The following GABRG1 variants were observed in gnomAD, a reference collection of about 807,000 sequenced individuals.
The protein encoded by GABRG1 is gamma-aminobutyric acid receptor subunit gamma-1.
In GABRG1, 49 loss-of-function variants were observed where a neutral mutation model predicts 49.8. The ratio of observed to expected loss-of-function variants is 0.98; its 90% CI spans 0.78 to 1.25. The LOEUF is 1.25. Ranked by LOEUF, GABRG1 falls within the 50% of genes most tolerant of loss-of-function variation. The pLI is 0.00. For missense variants in GABRG1, 552 were observed against 552.3 expected (o/e 1.00, Z 0.01); for synonymous variants, 232 against 185.1 (o/e 1.25, Z -2.06).
chr4:46,058,996 G>C (rs1433422829), intron 5 of GABRG1, among the ~76,000 whole-genome samples: 2 of 151,930 alleles, frequency 1.3e-5, no homozygotes, highest in African/African-American at 4.8e-5. Context: ...AGCATAGTTT[G>C]GGTTCCTTTG....
intron 2 of GABRG1, among the ~76,000 whole-genome samples, chr4:46,094,801 T>C (rs989884877): frequency 2.6e-5 from 4 of 151,922 alleles, no homozygotes; most frequent in African/African-American, 9.7e-5. Flanking sequence ...GACATTAAAA[T>C]ACATCAATAA....
intron 3 of GABRG1, among the ~76,000 whole-genome samples, chr4:46,072,157 A>G (rs780716605): frequency 9.9e-4 from 150 of 152,082 alleles, no homozygotes; most frequent in Non-Finnish European, 1.7e-3. Flanking sequence ...TACCTGTGAC[A>G]TTCAGTTTAA....
intron 1 of GABRG1, among the ~76,000 whole-genome samples, chr4:46,117,511 G>A (rs1225471124): frequency 2.7e-5 from 4 of 148,548 alleles, no homozygotes; most frequent in Non-Finnish European, 6.0e-5. Flanking sequence ...ACCAAACTGT[G>A]AGACTCTACC....
intron 8 of GABRG1, among the ~76,000 whole-genome samples, chr4:46,041,929 A>G (rs760256180): frequency 2.0e-5 from 3 of 152,060 alleles, no homozygotes; most frequent in Non-Finnish European, 2.9e-5. Context: ...TCAATGCTCC[A>G]TCATGCTCAG....
intron 3 of GABRG1, among the ~76,000 whole-genome samples, chr4:46,078,088 G>A (rs1414976752): frequency 6.6e-6 from 1 of 151,522 alleles, no homozygotes; most frequent in African/African-American, 2.4e-5. Flanking sequence ...GTGACAAAAA[G>A]TTAATATATG....
At chr4:46,119,083 T>A (rs149857984) in intron 1 of GABRG1, among the ~76,000 whole-genome samples, 13 of 149,688 alleles carry the variant, frequency 8.7e-5, no homozygotes, top group African/African-American at 3.0e-4. Flanking sequence ...AAATTTTGCT[T>A]TTAAGTTACA....
intron 2 of GABRG1, among the ~76,000 whole-genome samples, chr4:46,088,135 A>G (rs1174964812): frequency 1.3e-5 from 2 of 152,052 alleles, no homozygotes; most frequent in Non-Finnish European, 2.9e-5. Context: ...GTTCTCAATG[A>G]GAACACCATG....
rs771139882 is a variant in GABRG1, at chr4:46,098,891, C to T, written c.105-1542G>A. Among the ~76,000 whole-genome samples, 115 of 151,454 alleles carry T rather than the reference C, an allele frequency of 7.6e-4. 1 individual carries two copies. The highest frequency in any genetic ancestry group is 1.9e-4 in the Non-Finnish European group (13 of 67,786). On this transcript the variant is annotated intron_variant, in intron 1 of 8. Coordinates refer to ENST00000295452, the MANE Select transcript of GABRG1 (RefSeq NM_173536.4). ...TAATTGTATCATCAGATTCACATTG[C>T]CCTCTATTTTGCTTTTCGTGAAAAT...
At chr4:46,050,803 CAG>C (rs1415933760) in intron 8 of GABRG1, among the ~76,000 whole-genome samples, 7 of 151,718 alleles carry the variant, frequency 4.6e-5, no homozygotes, top group African/African-American at 1.7e-4. Flanking sequence ...AAATGCTCTG[CAG>C]AGTGTCTGGA....
At position 46,058,468 on chromosome 4, in the gene GABRG1, T is replaced by C. The variant is rs541028130; in HGVS notation, c.763+17A>G. Reference sequence around the variant, plus strand: ...TTTAATGCTAGCATCATTTCACTATTTGAGTATTCTTTTTACCAGAGATCG... The same window carrying C: ...TTTAATGCTAGCATCATTTCACTATCTGAGTATTCTTTTTACCAGAGATCG... On this transcript the variant is annotated intron_variant, in intron 6 of 8. Coordinates refer to ENST00000295452, the MANE Select transcript of GABRG1 (RefSeq NM_173536.4). The C allele has an allele frequency of 6.2e-7, 1 of 1,610,202 alleles. No homozygotes were observed. Among genetic ancestry groups the C allele is most frequent in the Non-Finnish European group, 8.5e-7 (1 of 1,178,158 alleles).
intron 1 of GABRG1, among the ~76,000 whole-genome samples, chr4:46,122,771 A>G (rs978790078): frequency 2.6e-4 from 39 of 152,200 alleles, no homozygotes; most frequent in Non-Finnish European, 2.1e-4. Context: ...TATCTTCATA[A>G]TGATTGTACT....
chr4:46,088,805 T>TGTGTGTG (rs1553882201), intron 2 of GABRG1, among the ~76,000 whole-genome samples: 6 of 142,532 alleles, frequency 4.2e-5, no homozygotes, highest in Admixed American at 2.1e-4. Context: ...GTGTGTGTGT[T>TGTGTGTG]TGTGTGTGTT....
At chr4:46,099,077 C>T (rs1183747590) in intron 1 of GABRG1, among the ~76,000 whole-genome samples, 1 of 151,292 alleles carries the variant, frequency 6.6e-6, no homozygotes. Context: ...AGTTATCTTC[C>T]ACGGATTAAT....
intron 3 of GABRG1, among the ~76,000 whole-genome samples, chr4:46,066,202 T>C (rs927235419): frequency 2.6e-5 from 4 of 152,172 alleles, no homozygotes; most frequent in Non-Finnish European, 5.9e-5. Flanking sequence ...TCAACAATTA[T>C]ATTAATTTAT....
In GABRG1 at chr4:46,058,490, A is replaced by T. The variant is rs1560352519; in HGVS notation, c.758T>A (p.Ile253Asn). 5.6e-6 allele frequency: 9 copies of T among 1,612,370 alleles called. 1 individual carries two copies. The highest frequency in any genetic ancestry group is 7.6e-6 in the Non-Finnish European group (9 of 1,179,306). ...TATTTGAGTATTCTTTTTACCAGAG[A>T]TCGTGTGAGTGATTTCAGTTGAGTT... The part of the protein sequence containing the change: ...LRNSTEITHT[I>N]SGDYVIMTIF... Residue 253 changes from isoleucine to asparagine, a missense_variant, in exon 6 of 9, where the codon ATC (isoleucine) becomes AAC (asparagine). Transcript: ENST00000295452.
rs1031956988 is a variant in GABRG1, at chr4:46,041,284, A to G, written c.1132-30T>C. 1.9e-6 allele frequency: 3 copies of G among 1,601,622 alleles called. No homozygotes were observed. In the African/African-American group the frequency reaches 4.0e-5, roughly 22 times the overall value. On this transcript the variant is annotated intron_variant, in intron 8 of 8. Transcript: ENST00000295452. Reference sequence around the variant, plus strand: ...GCACAATAATAAATGAATTTTTGACATCAAAAAAGTAGCATAAGGAAAGAT... The same window carrying G: ...GCACAATAATAAATGAATTTTTGACGTCAAAAAAGTAGCATAAGGAAAGAT...
chr4:46,051,475 G>A lies in GABRG1; in HGVS notation c.1080C>T (p.Asn360=), dbSNP rs1718216754. 1 of 1,610,190 alleles carries A rather than the reference G, an allele frequency of 6.2e-7. No homozygotes were observed. The highest frequency in any genetic ancestry group is 8.5e-7 in the Non-Finnish European group (1 of 1,178,026). ...EYGTLHYFTS[N]QKGKTATKDR... ...CTTTAGTAGCAGTCTTTCCTTTTTG[G>A]TTGCTGGTAAAATAATGCAAGGTTC... The change falls in exon 8 of 9, where the codon AAC becomes AAT. Residue 360 remains asparagine, a synonymous_variant. Transcript: ENST00000295452.
intron 8 of GABRG1, among the ~76,000 whole-genome samples, chr4:46,041,925 C>A (rs1478261000): frequency 6.6e-6 from 1 of 151,944 alleles, no homozygotes; most frequent in East Asian, 1.9e-4. Context: ...ATGATCAATG[C>A]TCCATCATGC....
At chr4:46,123,710 C>A (rs1018237075) in intron 1 of GABRG1, 100 bp downstream of exon 1, 9 of 782,316 alleles carry the variant, frequency 1.2e-5, no homozygotes, top group East Asian at 7.8e-5. Context: ...TTAGGAAATG[C>A]AAATTAATTA....
Sources: allele counts gnomAD v4.1 joint callset (sites outside exome capture counted in the v4.1 genomes callset), GRCh38; gene constraint gnomAD v4.1.1; transcripts MANE v1.5; gene names NCBI Gene and HGNC (gene_info 2026-07-23, HGNC 2026-07-21).